FSTL4: variants seen among roughly 807,000 people sequenced by gnomAD.
FSTL4 encodes the protein follistatin-related protein 4.
In FSTL4, 28 loss-of-function variants were observed where a neutral mutation model predicts 78.2. The ratio of observed to expected loss-of-function variants is 0.36; its 90% CI spans 0.27 to 0.49. FSTL4 has a LOEUF of 0.49. Among genes scored for constraint, FSTL4 ranks in the 20% least tolerant of loss-of-function variants. FSTL4 has a pLI of 0.98. For missense variants in FSTL4, 922 were observed against 1,084.9 expected (o/e 0.85, Z 2.11); for synonymous variants, 422 against 440.5 (o/e 0.96, Z 0.53).
intron 2 of FSTL4, among the ~76,000 whole-genome samples, chr5:133,603,506 A>G (rs1760913203): frequency 6.6e-6 from 1 of 152,210 alleles, no homozygotes; most frequent in Non-Finnish European, 1.5e-5. Context: ...TACTTCACTA[A>G]TTCACATGGG....
intron 3 of FSTL4, among the ~76,000 whole-genome samples, chr5:133,536,744 C>T (rs951357926): frequency 6.6e-6 from 1 of 151,988 alleles, no homozygotes; most frequent in Admixed American, 6.6e-5. Context: ...AACTGTAATT[C>T]ATTCATTTTC....
Position 133,400,798 on chromosome 5 carries a change from C to T in FSTL4, c.349G>A (p.Ala117Thr). The T allele has an allele frequency of 2.1e-5, 34 of 1,614,076 alleles. No individual in the cohort carries two copies. Among genetic ancestry groups the T allele is most frequent in the Non-Finnish European group, 2.6e-5 (31 of 1,179,992 alleles). Residue 117 changes from alanine (A) to threonine (T), a missense_variant, in exon 4 of 16, where the codon GCT becomes ACT. Ala to Thr is a moderately conservative substitution (Grantham distance 58). Coordinates refer to ENST00000265342, the MANE Select transcript of FSTL4 (RefSeq NM_015082.2). ...ATCCTCTTTCCCAGGAGGCAAGCAG[C>T]ACGGTGGAGCTTACAGTGGTTTTCA... The part of the protein sequence containing the change: ...FYENHCKLHR[A>T]ACLLGKRITV...
Position 133,611,771 on chromosome 5 carries a change from C to T in FSTL4, c.-11+554G>A, listed in dbSNP as rs142673575. Among the ~76,000 whole-genome samples the T allele has an allele frequency of 6.6e-6, 1 of 152,290 alleles. No individual in the cohort carries two copies. Among genetic ancestry groups the T allele is most frequent in the Non-Finnish European group, 1.5e-5 (1 of 68,014 alleles). On this transcript the variant is annotated intron_variant, in intron 1 of 15. Coordinates refer to ENST00000265342, the MANE Select transcript of FSTL4 (RefSeq NM_015082.2). The surrounding 1 kb of genome is among the most constrained non-coding windows in gnomAD (Gnocchi z 4.9). ...GAAGCCAGGGCCAGGCGAAGCGCAG[C>T]GGGCCCTTTGGGCTGCAGCGAGGAG... is the stretch of plus-strand genomic sequence containing the variant.
intron 12 of FSTL4, 108 bp from the exon 13 acceptor site, chr5:133,217,486 A>G: frequency 1.9e-6 from 2 of 1,051,792 alleles, no homozygotes; most frequent in Non-Finnish European, 2.8e-6. Flanking sequence ...CCTCTCTCTT[A>G]GAATCCTTTG....
chr5:133,683,467 T>C, the FSTL4 span, among the ~76,000 whole-genome samples: 2 of 152,174 alleles, frequency 1.3e-5, no homozygotes, highest in African/African-American at 2.4e-5. Flanking sequence ...TCCACTCGTT[T>C]TTAATTGAGA....
chr5:133,311,511 G>A lies in FSTL4; in HGVS notation c.727+1143C>T, dbSNP rs181261856. ...ATCATGCTTGCTTCTCTCCTCTTAT[G>A]TCATCCAAGTACCTCTCTATTTGCC... On this transcript the variant is annotated intron_variant, in intron 6 of 15. Coordinates refer to ENST00000265342, the MANE Select transcript of FSTL4 (RefSeq NM_015082.2). 7.9e-5 allele frequency among the ~76,000 whole-genome samples: 12 copies of A among 152,274 alleles called. No homozygotes were observed. In the East Asian group the frequency reaches 2.3e-3, roughly 29 times the overall value.
intron 6 of FSTL4, 153 bp downstream of exon 6, chr5:133,312,501 G>T: frequency 1.5e-6 from 1 of 672,212 alleles, no homozygotes; most frequent in Non-Finnish European, 2.6e-6. Flanking sequence ...TTTTCTTAAA[G>T]CTCAGGCTTG....
intron 3 of FSTL4, among the ~76,000 whole-genome samples, chr5:133,430,657 C>G (rs1483148660): frequency 6.6e-6 from 1 of 152,166 alleles, no homozygotes; most frequent in East Asian, 1.9e-4. Flanking sequence ...TATGACTTTC[C>G]AAAATAACAG....
chr5:133,546,186 G>A (rs1460711599), intron 3 of FSTL4, among the ~76,000 whole-genome samples: 1 of 152,154 alleles, frequency 6.6e-6, no homozygotes, highest in African/African-American at 2.4e-5. Context: ...GGAAAGACCT[G>A]GAAAATTCTC....
the FSTL4 span, among the ~76,000 whole-genome samples, chr5:133,763,562 C>T: frequency 7.9e-5 from 12 of 152,192 alleles, no homozygotes; most frequent in African/African-American, 2.9e-4. Flanking sequence ...ATCTGCTGGA[C>T]CAGCTGACTG....
chr5:133,806,308 G>C, the FSTL4 span, among the ~76,000 whole-genome samples: 6 of 152,326 alleles, frequency 3.9e-5, no homozygotes, highest in South Asian at 1.2e-3. Flanking sequence ...TAGGAAAGCA[G>C]AGAGTTGGCC....
the FSTL4 span, among the ~76,000 whole-genome samples, chr5:133,804,897 C>T: frequency 7.2e-6 from 1 of 139,736 alleles, no homozygotes; most frequent in African/African-American, 2.7e-5. Context: ...TGAGCCAAAT[C>T]GTGCCACTGC....
At position 133,363,517 on chromosome 5, in the gene FSTL4, C is replaced by T. The variant is rs191011128; in HGVS notation, c.409+37221G>A. On this transcript the variant is annotated intron_variant, in intron 4 of 15. Coordinates refer to ENST00000265342, the MANE Select transcript of FSTL4 (RefSeq NM_015082.2). ...TCCCTGACCACCGCAGCCTGAAGTA[C>T]TCCGTCCAGCCCTGAATTTGAATGG... is the stretch of plus-strand genomic sequence containing the variant. Among the ~76,000 whole-genome samples, 86 of 152,280 alleles carry T rather than the reference C, an allele frequency of 5.6e-4. 1 individual carries two copies. The highest frequency in any genetic ancestry group is 5.1e-3 in the Admixed American group (78 of 15,294).
chr5:133,578,267 T>C lies in FSTL4; in HGVS notation c.127-11048A>G, dbSNP rs972742990. Among the ~76,000 whole-genome samples, 5 of 152,382 alleles carry C rather than the reference T, an allele frequency of 3.3e-5. No homozygotes were observed. The East Asian group carries it at 9.6e-4, about 29-fold the overall frequency. The stretch of plus-strand genomic sequence containing the variant: ...AGACCTGGGAATACCAACTTTATTA[T>C]GCCCATGAGGGCAAAGCCTCCAGTA... On this transcript the variant is annotated intron_variant, in intron 2 of 15. Coordinates refer to ENST00000265342, the MANE Select transcript of FSTL4 (RefSeq NM_015082.2).
chr5:133,507,834 AAAT>A (rs1190929254), intron 3 of FSTL4, among the ~76,000 whole-genome samples: 1 of 151,510 alleles, frequency 6.6e-6, no homozygotes, highest in Non-Finnish European at 1.5e-5. Flanking sequence ...AGCATTAAAA[AAAT>A]AATAATAATA....
intron 8 of FSTL4, among the ~76,000 whole-genome samples, chr5:133,232,412 T>C (rs142201699): frequency 0.01 from 1,538 of 152,172 alleles, 26 homozygotes; most frequent in African/African-American, 0.035. Flanking sequence ...TTTCTCTGGG[T>C]CTTGATTTTC....
the FSTL4 span, among the ~76,000 whole-genome samples, chr5:133,641,841 C>A: frequency 5.9e-5 from 9 of 151,602 alleles, no homozygotes; most frequent in African/African-American, 2.2e-4. Flanking sequence ...TTTCCTCTTT[C>A]TTCTTTCTTC....
At chr5:133,294,693 T>C (rs1753347637) in intron 6 of FSTL4, among the ~76,000 whole-genome samples, 1 of 152,160 alleles carries the variant, frequency 6.6e-6, no homozygotes, top group African/African-American at 2.4e-5. Context: ...AAAACTCATA[T>C]CTACAGGCAT....
At chr5:133,665,861 C>T in the FSTL4 span, among the ~76,000 whole-genome samples, 22 of 152,302 alleles carry the variant, frequency 1.4e-4, no homozygotes, top group African/African-American at 4.6e-4. Flanking sequence ...CCTGTCTCTA[C>T]GCAGCCCTTG....
Sources: allele counts gnomAD v4.1 joint callset (sites outside exome capture counted in the v4.1 genomes callset), GRCh38; gene constraint gnomAD v4.1.1; non-coding constraint Gnocchi (gnomAD v3.1); transcripts MANE v1.5; gene names NCBI Gene and HGNC (gene_info 2026-07-23, HGNC 2026-07-21).